Variants in NLRP2 observed in about 807,000 individuals in gnomAD.
NLRP2 encodes the protein NLR family pyrin domain containing 2, also known as NACHT, LRR and PYD domains-containing protein 2.
Under a neutral mutation model 97.2 loss-of-function variants are expected in NLRP2, and 107 were observed. The ratio of observed to expected loss-of-function variants is 1.10; its 90% CI spans 0.94 to 1.29. The LOEUF (loss-of-function observed/expected upper bound fraction) is 1.29. Among genes scored for constraint, NLRP2 ranks in the 50% most tolerant of loss-of-function variants. The pLI is 0.00. For missense variants in NLRP2, 1,495 were observed against 1,330.3 expected, an observed-to-expected ratio of 1.12 and a Z score of -1.93; for synonymous variants, 663 against 551.5, an observed-to-expected ratio of 1.20 and a Z score of -2.83.
intron 1 of NLRP2, among the ~76,000 whole-genome samples, chr19:54,968,239 C>G (rs910383554): frequency 4.0e-5 from 6 of 151,216 alleles, no homozygotes; most frequent in African/African-American, 1.5e-4. Flanking sequence ...AAAATAGAGA[C>G]AGGGTCTTAA....
chr19:54,969,402 C>T (rs996628678), intron 1 of NLRP2, among the ~76,000 whole-genome samples: 11 of 147,168 alleles, frequency 7.5e-5, no homozygotes, highest in African/African-American at 2.8e-4. Flanking sequence ...TGCTTGAATC[C>T]GGGAGGCAGA....
chr19:54,973,921 G>A, intron 2 of NLRP2: 1 of 742,692 alleles, frequency 1.3e-6, no homozygotes, highest in Non-Finnish European at 2.4e-6. Flanking sequence ...CCCAGGGGAA[G>A]TAGTGTTATG....
intron 8 of NLRP2, 136 bp from the exon 9 acceptor site, chr19:54,989,886 G>A: frequency 1.2e-6 from 1 of 869,190 alleles, no homozygotes; most frequent in East Asian, 2.5e-5. Context: ...AGCTACTCGG[G>A]AGGCTGAGGC....
rs1360104101 is a variant in NLRP2, at chr19:54,998,024, TC to T, written c.3050+538del. Among the ~76,000 whole-genome samples, 207 of 135,534 alleles carry T rather than the reference TC, an allele frequency of 1.5e-3. 2 individuals are homozygous for T. Among genetic ancestry groups the T allele is most frequent in the African/African-American group, 5.0e-3 (193 of 38,644 alleles). The allele number at this position is 135,534 out of a possible 152,430, so 88.9% of individuals were successfully genotyped here. ...TTGGGGTTTTGTTTTGTTTTTTCTT[TC>T]TTTTTTTTTTTTTTTTTCTGAGATG... On this transcript the variant is annotated intron_variant, in intron 12 of 12. Coordinates refer to ENST00000448584, the MANE Select transcript of NLRP2 (RefSeq NM_017852.5).
intron 8 of NLRP2, chr19:54,986,539 C>G (rs551256949): frequency 3.4e-6 from 2 of 587,914 alleles, no homozygotes; most frequent in East Asian, 5.8e-5. Context: ...CAAAGAAACT[C>G]CCAGAATCTT....
rs1568474870 is a variant in NLRP2 at position 54,975,110 on chromosome 19, T to TG, written c.325+566_325+567insG. 9.8e-4 allele frequency among the ~76,000 whole-genome samples: 11 copies of TG among 11,214 alleles called. No individual in the cohort carries two copies. In the East Asian group the frequency reaches 0.034, roughly 34 times the overall value. The allele number at this position is 11,214 out of a possible 152,430, so 7.4% of individuals were successfully genotyped here. ...GCCACCACCACACCCGGTTTTGTTT[T>TG]TTTTTTTTTTTTTTTTTTTTTTTTT... is the stretch of plus-strand genomic sequence containing the variant. On this transcript the variant is annotated intron_variant, in intron 3 of 12. Coordinates refer to ENST00000448584, the MANE Select transcript of NLRP2 (RefSeq NM_017852.5).
At chr19:54,973,344 G>GTTTTTTTTTTTT (rs10673643) in intron 2 of NLRP2, among the ~76,000 whole-genome samples, 3 of 92,552 alleles carry the variant, frequency 3.2e-5, no homozygotes, top group Admixed American at 1.4e-4. Flanking sequence ...ATGGGTGAGG[G>GTTTTTTTTTTTT]TTTTTTTTTT....
chr19:54,983,805 C>T (rs1408107831), intron 6 of NLRP2, 77 bp downstream of exon 6: 2 of 1,578,010 alleles, frequency 1.3e-6, no homozygotes, highest in East Asian at 4.5e-5. Context: ...GCCAGAGCCT[C>T]CTATGCACTG....
chr19:54,994,418 T>G lies in NLRP2; in HGVS notation c.2858T>G (p.Leu953Arg). 1 of 1,613,100 alleles carries G rather than the reference T, an allele frequency of 6.2e-7. No individual in the cohort carries two copies. The highest frequency in any genetic ancestry group is 8.5e-7 in the Non-Finnish European group (1 of 1,180,022). Reference protein sequence around the residue: ...KFLCEALRKPLCNLRCLWLWG... With the variant: ...KFLCEALRKPRCNLRCLWLWG... ...CTGTGTGAGGCTTTGAGGAAACCAC[T>G]GTGCAACTTGAGATGTCTGTGGTGA... The change falls in exon 11 of 13, where the codon CTG becomes CGG. Residue 953 changes from leucine to arginine, a missense_variant. Transcript: ENST00000448584.
chr19:54,969,624 C>CA (rs2070715743), intron 1 of NLRP2, among the ~76,000 whole-genome samples: 1 of 152,184 alleles, frequency 6.6e-6, no homozygotes, highest in Non-Finnish European at 1.5e-5. Context: ...TACTGTACTC[C>CA]AGCCTGGGCT....
chr19:54,999,021 C>T (rs1419713903), intron 12 of NLRP2, among the ~76,000 whole-genome samples: 1 of 151,164 alleles, frequency 6.6e-6, no homozygotes, highest in East Asian at 1.9e-4. Context: ...GGGGGCTGAC[C>T]CCCCCACCTC....
chr19:54,982,322 G>A lies in NLRP2; in HGVS notation c.624G>A (p.Thr208=), dbSNP rs1222336822. ...TGCTTCCCGGGCCCTTCTCATACAC[G>A]GTGGTGCTGTATGGTCCTGCAGGCC... ...PRVLPGPFSY[T]VVLYGPAGLG... Residue 208 remains threonine (T), a synonymous_variant, in exon 6 of 13, where the codon ACG becomes ACA. Coordinates refer to ENST00000448584, the MANE Select transcript of NLRP2 (RefSeq NM_017852.5). The A allele has an allele frequency of 3.1e-6, 5 of 1,614,050 alleles. No individual in the cohort carries two copies. The highest frequency in any genetic ancestry group is 4.5e-5 in the East Asian group (2 of 44,880).
rs181443905 is a variant in NLRP2 at position 54,973,960 on chromosome 19, G to C, written c.281-540G>C. 229 of 983,276 alleles carry C rather than the reference G, an allele frequency of 2.3e-4. 3 individuals carry two copies. The East Asian group carries it at 5.5e-3, about 24-fold the overall frequency. 60.9% of individuals were successfully genotyped at this position (983,276 alleles called of 1,614,324 possible). On this transcript the variant is annotated intron_variant, in intron 2 of 12. Coordinates refer to ENST00000448584, the MANE Select transcript of NLRP2 (RefSeq NM_017852.5). ...GGAAGCAGAGTGGCTATGGTGGGCA[G>C]ACTAAGCCGATTTTCCGGAAAAAGG...
chr19:54,986,231 C>T lies in NLRP2; in HGVS notation c.2282C>T (p.Thr761Ile), dbSNP rs1288539145. 1 of 1,613,434 alleles carries T rather than the reference C, an allele frequency of 6.2e-7. No individual in the cohort carries two copies. Residue 761 changes from threonine to isoleucine, a missense_variant, in exon 8 of 13, where the codon ACC becomes ATC. Physicochemically the swap from Thr to Ile is moderately conservative, Grantham distance 89. Transcript: ENST00000448584. ...LRGHKTVTYL[T>I]LQGNDQDDMF... ...GGTCACAAGACTGTAACGTATCTGA[C>T]CCTTCAAGGCAATGACCAGGATGAT...
At chr19:54,977,619 C>G (rs953023007) in intron 3 of NLRP2, 133 bp from the exon 4 acceptor site, 5 of 844,226 alleles carry the variant, frequency 5.9e-6, no homozygotes, top group Non-Finnish European at 1.0e-5. Flanking sequence ...CTTTTACATC[C>G]AGTACCTTAT....
In NLRP2 at chr19:54,970,254, A is replaced by G. The variant is rs199475706; in HGVS notation, c.239A>G (p.His80Arg). 1 of 1,614,048 alleles carries G rather than the reference A, an allele frequency of 6.2e-7. No individual in the cohort carries two copies. The highest frequency in any genetic ancestry group is 1.3e-5 in the African/African-American group (1 of 74,922). Reference protein sequence around the residue: ...MASLQVFEKMHRMDLSERAKD... With the variant: ...MASLQVFEKMRRMDLSERAKD... ...AGCCTCCAGGTCTTTGAAAAGATGC[A>G]CCGAATGGATCTGTCTGAGAGAGCA... The change falls in exon 2 of 13, where the codon CAC (histidine) becomes CGC (arginine). Residue 80 changes from histidine to arginine, a missense_variant. Transcript: ENST00000448584.
In NLRP2 at chr19:54,982,708, G is replaced by A. The variant is rs149735961; in HGVS notation, c.1010G>A (p.Arg337Gln). Residue 337 changes from arginine to glutamine, a missense_variant, in exon 6 of 13, where the codon CGG (arginine) becomes CAG (glutamine). Physicochemically the swap from Arg to Gln is conservative, Grantham distance 43. Coordinates refer to ENST00000448584, the MANE Select transcript of NLRP2 (RefSeq NM_017852.5). Reference sequence around the variant, plus strand: ...AAGGCCGCCCTGCTGGTCACCACGCGGCCCAGGGCCCTGAGGGACCTCCGG... The same window carrying A: ...AAGGCCGCCCTGCTGGTCACCACGCAGCCCAGGGCCCTGAGGGACCTCCGG... ...LPKAALLVTT[R>Q]PRALRDLRIL... The A allele has an allele frequency of 8.2e-4, 1,317 of 1,614,044 alleles. 5 individuals are homozygous for A. The highest frequency in any genetic ancestry group is 1.0e-3 in the Non-Finnish European group (1,219 of 1,179,978).
intron 12 of NLRP2, among the ~76,000 whole-genome samples, chr19:54,998,829 A>G (rs377137078): frequency 6.6e-6 from 1 of 150,510 alleles, no homozygotes; most frequent in African/African-American, 2.5e-5. Context: ...GGGAGTGGTG[A>G]TGACTCTTAA....
Position 54,982,558 on chromosome 19 carries a change from T to C in NLRP2, c.860T>C (p.Ile287Thr), listed in dbSNP as rs1367501999. 12 of 1,614,118 alleles carry C rather than the reference T, an allele frequency of 7.4e-6. No homozygotes were observed. The highest frequency in any genetic ancestry group is 1.0e-5 in the Non-Finnish European group (12 of 1,180,056). Residue 287 changes from isoleucine to threonine, a missense_variant, in exon 6 of 13, where the codon ATT becomes ACT. Transcript: ENST00000448584. Reference protein sequence around the residue: ...LAQARKILFVIDGFDELGAAP... With the variant: ...LAQARKILFVTDGFDELGAAP... ...CAAGCACGGAAAATCTTGTTCGTGA[T>C]TGACGGCTTTGATGAGCTGGGAGCC...
Sources: allele counts gnomAD v4.1 joint callset (sites outside exome capture counted in the v4.1 genomes callset), GRCh38; gene constraint gnomAD v4.1.1; transcripts MANE v1.5; gene names NCBI Gene and HGNC (gene_info 2026-07-23, HGNC 2026-07-21).